PAQR8: variants seen among roughly 807,000 people sequenced by gnomAD.
PAQR8 encodes membrane progestin receptor beta.
PAQR8 carries 17 observed loss-of-function variants against 25.2 expected under a neutral mutation model. That is an observed-to-expected ratio of 0.67 (90% CI 0.46 to 1.01). The LOEUF is 1.01. PAQR8 is among the 50% of genes least tolerant of loss of function. PAQR8 has a pLI of 0.00. For missense variants in PAQR8, 392 were observed against 448.4 expected (o/e 0.87, Z 1.14); for synonymous variants, 204 against 190.6 (o/e 1.07, Z -0.58).
At chr6:52,397,169 T>A (rs1763776425) in intron 1 of PAQR8, among the ~76,000 whole-genome samples, 1 of 152,026 alleles carries the variant, frequency 6.6e-6, no homozygotes, top group Admixed American at 6.6e-5. Flanking sequence ...GGGTAATAGT[T>A]TCACGGGAGA....
chr6:52,369,661 G>T (rs150804521), intron 1 of PAQR8, among the ~76,000 whole-genome samples: 1 of 152,198 alleles, frequency 6.6e-6, no homozygotes, highest in Non-Finnish European at 1.5e-5. Flanking sequence ...ATGACTGTTG[G>T]TGAAAACTAT....
At chr6:52,373,484 A>C (rs900286015) in intron 1 of PAQR8, 1 of 152,252 alleles carries the variant, frequency 6.6e-6, no homozygotes, top group African/African-American at 2.4e-5. Context: ...TTTCTAGCAC[A>C]GCTAATTGTG....
intron 1 of PAQR8, among the ~76,000 whole-genome samples, chr6:52,398,227 G>T: frequency 7.3e-6 from 1 of 137,706 alleles, no homozygotes; most frequent in South Asian, 2.3e-4. Context: ...TTTTTTTGAG[G>T]CAGAGTTTCA....
chr6:52,403,496 G>A lies in PAQR8; in HGVS notation c.283G>A (p.Ala95Thr). 1 of 1,614,074 alleles carries A rather than the reference G, an allele frequency of 6.2e-7. No homozygotes were observed. Among genetic ancestry groups the A allele is most frequent in the Non-Finnish European group, 8.5e-7 (1 of 1,180,042 alleles). Residue 95 changes from alanine (A) to threonine (T), a missense_variant, in exon 2 of 2, where the codon GCC becomes ACC. Physicochemically the swap from Ala to Thr is moderately conservative, Grantham distance 58. Coordinates refer to ENST00000442253, the MANE Select transcript of PAQR8 (RefSeq NM_133367.5). ...AALAVLLRFWAFAEAEALPWA... is the reference protein window; with the variant it reads ...AALAVLLRFWTFAEAEALPWA... ...CCTGGCCGTCCTCTTGCGATTCTGG[G>A]CCTTTGCCGAGGCTGAGGCCTTGCC...
intron 1 of PAQR8, among the ~76,000 whole-genome samples, chr6:52,385,624 C>A (rs1763624392): frequency 6.6e-6 from 1 of 152,180 alleles, no homozygotes; most frequent in Non-Finnish European, 1.5e-5. Flanking sequence ...TGGCGTATGT[C>A]TGGAATTCTA....
rs568115951 is a variant in PAQR8 at position 52,371,452 on chromosome 6, CAGA to C, written c.-53+9209_-53+9211del. Among the ~76,000 whole-genome samples, 471 of 152,112 alleles carry C rather than the reference CAGA, an allele frequency of 3.1e-3. 2 individuals are homozygous for C. The highest frequency in any genetic ancestry group is 8.6e-3 in the African/African-American group (357 of 41,492). ...CATGAATAGAAGAATTCTTCTATTA[CAGA>C]AGAAGCATGAATTGCATAGGAGAGG... On this transcript the variant is annotated intron_variant, in intron 1 of 1. Coordinates refer to ENST00000442253, the MANE Select transcript of PAQR8 (RefSeq NM_133367.5).
chr6:52,371,583 CTCTT>C (rs1389327187), intron 1 of PAQR8, among the ~76,000 whole-genome samples: 2 of 152,152 alleles, frequency 1.3e-5, no homozygotes, highest in Non-Finnish European at 2.9e-5. Context: ...AAATATTAAA[CTCTT>C]TATAATTATG....
chr6:52,364,731 G>A (rs186770527), intron 1 of PAQR8, among the ~76,000 whole-genome samples: 2 of 152,282 alleles, frequency 1.3e-5, no homozygotes, highest in East Asian at 3.9e-4. Context: ...CAATAAGTAT[G>A]CTCATTAAAG....
intron 1 of PAQR8, among the ~76,000 whole-genome samples, chr6:52,370,001 C>A (rs1763398493): frequency 6.6e-6 from 1 of 152,040 alleles, no homozygotes; most frequent in East Asian, 1.9e-4. Flanking sequence ...GAAACTGATT[C>A]CGCAAATCTT....
rs1206720999 is a variant in PAQR8, at chr6:52,403,567, GTCAA to G, written c.358_361del (p.Ile120LeufsTer31). 2 of 1,614,056 alleles carry G rather than the reference GTCAA, an allele frequency of 1.2e-6. No individual in the cohort carries two copies. Among genetic ancestry groups the G allele is most frequent in the East Asian group, 2.2e-5 (1 of 44,882 alleles). ...TGCCTCTGCTCCTCTTCATCCTGTC[GTCAA>G]TCACTTACCTCACCTGCAGCCTTCT... is the stretch of plus-strand genomic sequence containing the variant. On this transcript the variant is annotated frameshift_variant, in exon 2 of 2. Transcript: ENST00000442253. LOFTEE classifies it high-confidence loss of function.
chr6:52,371,217 C>T (rs1453971184), intron 1 of PAQR8, among the ~76,000 whole-genome samples: 1 of 152,058 alleles, frequency 6.6e-6, no homozygotes, highest in Non-Finnish European at 1.5e-5. Context: ...TAGATTAGCT[C>T]GCTTTTAGCT....
intron 1 of PAQR8, among the ~76,000 whole-genome samples, chr6:52,374,490 T>C (rs1214056955): frequency 6.6e-6 from 1 of 151,914 alleles, no homozygotes; most frequent in Non-Finnish European, 1.5e-5. Context: ...CATAGCTCAC[T>C]GTGACCTTGA....
At chr6:52,363,132 G>A (rs901918142) in intron 1 of PAQR8, among the ~76,000 whole-genome samples, 2 of 152,154 alleles carry the variant, frequency 1.3e-5, no homozygotes, top group Non-Finnish European at 2.9e-5. Flanking sequence ...AGGCGGGTGG[G>A]GACCTCGCAC....
At chr6:52,393,502 A>G (rs1022422075) in intron 1 of PAQR8, among the ~76,000 whole-genome samples, 12 of 151,826 alleles carry the variant, frequency 7.9e-5, no homozygotes, top group African/African-American at 2.9e-4. Flanking sequence ...TGCCTGGCTA[A>G]TTTTTAAATT....
intron 1 of PAQR8, among the ~76,000 whole-genome samples, chr6:52,393,144 C>T (rs566332715): frequency 6.6e-6 from 1 of 152,234 alleles, no homozygotes; most frequent in Admixed American, 6.5e-5. Context: ...ACTGTGCAGC[C>T]TTGGACAAGT....
At chr6:52,379,090 C>G (rs1219109579) in intron 1 of PAQR8, among the ~76,000 whole-genome samples, 3 of 94,222 alleles carry the variant, frequency 3.2e-5, no homozygotes, top group Admixed American at 1.3e-4. Context: ...AAGCAATACT[C>G]TTTATCAAAA....
chr6:52,371,524 A>G (rs1763419047), intron 1 of PAQR8, among the ~76,000 whole-genome samples: 2 of 152,318 alleles, frequency 1.3e-5, no homozygotes, highest in East Asian at 1.9e-4. Flanking sequence ...CCATACATCC[A>G]TCTCTGTGGA....
chr6:52,372,423 TTC>T (rs977338267), intron 1 of PAQR8, among the ~76,000 whole-genome samples: 6 of 152,110 alleles, frequency 3.9e-5, no homozygotes, highest in African/African-American at 7.2e-5. Context: ...GACAGTGAAG[TTC>T]TCCATGTGTT....
intron 1 of PAQR8, among the ~76,000 whole-genome samples, chr6:52,364,083 G>GTTTTTTTTTTTTT (rs67846872): frequency 0.03 from 2,514 of 84,202 alleles, 484 homozygotes; most frequent in Non-Finnish European, 0.039. Context: ...TGAAAGATAT[G>GTTTTTTTTTTTTT]TTTTTTTTTT....
Sources: gnomAD v4.1 joint callset for allele counts (sites outside exome capture counted in the v4.1 genomes callset) on GRCh38, gnomAD v4.1.1 for gene constraint, MANE v1.5 for transcripts, NCBI Gene and HGNC (gene_info 2026-07-23, HGNC 2026-07-21) for gene names.